The following DLC1 variants were observed in gnomAD, a reference collection of about 807,000 sequenced individuals.
DLC1 encodes the protein DLC1 Rho GTPase activating protein, also known as rho GTPase-activating protein 7.
DLC1 carries 54 observed loss-of-function variants against 140.3 expected under a neutral mutation model. The ratio of observed to expected loss-of-function variants is 0.38; its 90% CI spans 0.31 to 0.48. DLC1 has a LOEUF of 0.48. Ranked by LOEUF, DLC1 falls within the 20% of genes least tolerant of loss-of-function variation. The pLI is 0.96. For synonymous variants in DLC1, 986 were observed against 728.1 expected, an observed-to-expected ratio of 1.35 and a Z score of -5.70; for missense variants, 2,536 against 1,907.0, an observed-to-expected ratio of 1.33 and a Z score of -6.14.
chr8:13,299,008 A>T (rs540860671), intron 5 of DLC1, among the ~76,000 whole-genome samples: 11 of 152,350 alleles, frequency 7.2e-5, no homozygotes, highest in East Asian at 3.9e-4. Context: ...CCATATTAAT[A>T]GTTCTCAAAT....
chr8:13,449,679 G>A (rs76092379), intron 2 of DLC1, among the ~76,000 whole-genome samples: 4 of 151,852 alleles, frequency 2.6e-5, no homozygotes, highest in Non-Finnish European at 2.9e-5. Flanking sequence ...GTGGGGTGGG[G>A]GGATGGGGGA....
At chr8:13,311,311 A>T (rs1448345807) in intron 4 of DLC1, among the ~76,000 whole-genome samples, 2 of 152,156 alleles carry the variant, frequency 1.3e-5, no homozygotes, top group Non-Finnish European at 2.9e-5. Context: ...CATTCTTCAT[A>T]AGACTGATGA....
intron 1 of DLC1, among the ~76,000 whole-genome samples, chr8:13,539,621 A>G (rs958705962): frequency 1.3e-5 from 2 of 152,136 alleles, no homozygotes; most frequent in Non-Finnish European, 2.9e-5. Context: ...GTCCCTCACC[A>G]GCAACTGATG....
intron 5 of DLC1, among the ~76,000 whole-genome samples, chr8:13,301,175 G>T (rs527516344): frequency 6.7e-6 from 1 of 149,544 alleles, no homozygotes; most frequent in East Asian, 2.0e-4. Context: ...ATATTTTTTT[G>T]AAAATCAAAT....
Position 13,446,163 on chromosome 8 carries a change from T to C in DLC1, c.1024-44544A>G, listed in dbSNP as rs577332309. On this transcript the variant is annotated intron_variant, in intron 2 of 17. Transcript: ENST00000276297. ...TGTGTTCCTTTGTTTAACTAGATCATATAATTTCCAGAAAACAAAGAACTT... is the reference window on the plus strand; with the variant it reads ...TGTGTTCCTTTGTTTAACTAGATCACATAATTTCCAGAAAACAAAGAACTT... 2.4e-4 allele frequency among the ~76,000 whole-genome samples: 36 copies of C among 152,326 alleles called. 1 individual carries two copies. In the East Asian group the frequency reaches 6.6e-3, roughly 28 times the overall value.
chr8:13,577,632 T>C (rs964002795), intron 1 of DLC1, among the ~76,000 whole-genome samples: 22 of 152,332 alleles, frequency 1.4e-4, no homozygotes, highest in Non-Finnish European at 5.9e-5. Context: ...AAACAAATAC[T>C]TTTATGTTTT....
chr8:13,392,726 TC>T (rs941499162), intron 4 of DLC1, among the ~76,000 whole-genome samples: 4 of 152,204 alleles, frequency 2.6e-5, no homozygotes, highest in African/African-American at 9.6e-5. Flanking sequence ...CTGTTGCAGT[TC>T]AACTCTTTCC....
At chr8:13,399,109 C>T (rs289576) in intron 3 of DLC1, among the ~76,000 whole-genome samples, 151,354 of 152,300 alleles carry the variant, frequency 0.99, 75,214 homozygotes, top group East Asian at 1. Flanking sequence ...AACTTCCCTA[C>T]GGTATCAGTG....
At chr8:13,273,772 AAGAG>A (rs145053861) in intron 5 of DLC1, among the ~76,000 whole-genome samples, 1 of 133,080 alleles carries the variant, frequency 7.5e-6, no homozygotes, top group Admixed American at 7.5e-5. Flanking sequence ...GGGAGGGAGC[AAGAG>A]AGAGAGAGAG....
chr8:13,263,073 C>G (rs1304816754), intron 5 of DLC1, among the ~76,000 whole-genome samples: 4 of 152,082 alleles, frequency 2.6e-5, no homozygotes, highest in African/African-American at 9.7e-5. Flanking sequence ...AATGCTTCCT[C>G]CACTTGATAA....
chr8:13,259,836 G>C (rs1026620858), intron 5 of DLC1, among the ~76,000 whole-genome samples: 2 of 151,972 alleles, frequency 1.3e-5, no homozygotes, highest in African/African-American at 2.4e-5. Context: ...ATCTACTTAG[G>C]TGAAGAAGGC....
chr8:13,314,491 TAGAA>T (rs1283016345), intron 4 of DLC1, among the ~76,000 whole-genome samples: 3 of 152,004 alleles, frequency 2.0e-5, no homozygotes, highest in African/African-American at 2.4e-5. Flanking sequence ...CTTAGTCTCT[TAGAA>T]AGCTGAGAGA....
chr8:13,473,030 G>C (rs1319574558), intron 2 of DLC1, among the ~76,000 whole-genome samples: 4 of 152,156 alleles, frequency 2.6e-5, no homozygotes, highest in Admixed American at 2.0e-4. Context: ...GACACAGAAG[G>C]AATTAGAGAA....
At chr8:13,251,388 G>T (rs2410043) in intron 5 of DLC1, among the ~76,000 whole-genome samples, 2 of 151,880 alleles carry the variant, frequency 1.3e-5, no homozygotes, top group Non-Finnish European at 2.9e-5. Context: ...TGGCAATTTC[G>T]TACTGGATTG....
intron 4 of DLC1, among the ~76,000 whole-genome samples, chr8:13,334,541 C>A (rs1833741137): frequency 6.6e-6 from 1 of 152,102 alleles, no homozygotes; most frequent in African/African-American, 2.4e-5. Context: ...CAATGGGGAC[C>A]AAACCAGGTT....
intron 7 of DLC1, among the ~76,000 whole-genome samples, chr8:13,110,384 A>G (rs1004942396): frequency 6.6e-6 from 1 of 152,144 alleles, no homozygotes; most frequent in Non-Finnish European, 1.5e-5. Context: ...TCCTGTCTTT[A>G]TATGCCACCC....
intron 5 of DLC1, among the ~76,000 whole-genome samples, chr8:13,124,943 A>T (rs1338880694): frequency 6.6e-6 from 1 of 151,928 alleles, no homozygotes; most frequent in South Asian, 2.1e-4. Context: ...AATTACTTTT[A>T]TTTTAAAAGC....
At chr8:13,463,811 T>C (rs1259984265) in intron 2 of DLC1, among the ~76,000 whole-genome samples, 1 of 152,148 alleles carries the variant, frequency 6.6e-6, no homozygotes, top group East Asian at 1.9e-4. Context: ...AGAGAGTTTC[T>C]GTTAGGGAAA....
At chr8:13,401,388 G>A (rs934964023) in intron 3 of DLC1, 82 bp downstream of exon 3, 2 of 1,527,190 alleles carry the variant, frequency 1.3e-6, no homozygotes, top group Non-Finnish European at 8.8e-7. Flanking sequence ...CATTAACAAG[G>A]ATGTTGCCTT....
Sources: allele counts gnomAD v4.1 joint callset (sites outside exome capture counted in the v4.1 genomes callset), GRCh38; gene constraint gnomAD v4.1.1; transcripts MANE v1.5; gene names NCBI Gene and HGNC (gene_info 2026-07-23, HGNC 2026-07-21).